The following TAF3 variants were observed in gnomAD, a reference collection of about 807,000 sequenced individuals.
TAF3 encodes TATA-box binding protein associated factor 3.
TAF3 carries 7 observed loss-of-function variants against 80.6 expected under a neutral mutation model. The observed-to-expected ratio is 0.09, with a 90% CI of 0.05 to 0.16. The LOEUF is 0.16. Among genes scored for constraint, TAF3 ranks in the 10% least tolerant of loss-of-function variants. TAF3 has a pLI of 1.00. For synonymous variants in TAF3, 444 were observed against 446.1 expected (o/e 1.00, Z 0.06); for missense variants, 921 against 1,140.2 (o/e 0.81, Z 2.77).
chr10:7,960,752 A>C (rs182047160), intron 2 of TAF3, among the ~76,000 whole-genome samples: 1 of 152,298 alleles, frequency 6.6e-6, no homozygotes, highest in Admixed American at 6.5e-5. Flanking sequence ...TTTTTCCTCC[A>C]ATTTCCCAGA....
At chr10:7,887,903 G>T (rs1232379344) in intron 2 of TAF3, among the ~76,000 whole-genome samples, 3 of 152,020 alleles carry the variant, frequency 2.0e-5, no homozygotes, top group African/African-American at 7.2e-5. Flanking sequence ...AGGGATTCCA[G>T]CTCCAATCCA....
chr10:7,877,635 TGTA>T (rs1464360838), intron 2 of TAF3, among the ~76,000 whole-genome samples: 3 of 152,246 alleles, frequency 2.0e-5, no homozygotes, highest in Non-Finnish European at 4.4e-5. Context: ...ATCATTATCT[TGTA>T]GTAAGAGAAT....
chr10:7,860,102 C>G (rs935302020), intron 2 of TAF3, among the ~76,000 whole-genome samples: 3 of 152,020 alleles, frequency 2.0e-5, no homozygotes, highest in African/African-American at 7.2e-5. Flanking sequence ...CAAACCCTGT[C>G]TCTACTAAAA....
Position 7,964,801 on chromosome 10 carries a change from T to A in TAF3, c.1291T>A (p.Cys431Ser). Residue 431 changes from cysteine to serine, a missense_variant, in exon 3 of 7, where the codon TGT becomes AGT. By Grantham distance (112) the Cys-to-Ser change is moderately radical (BLOSUM62 -1). Around this residue, in one of 6 missense-constraint regions of TAF3, gnomAD observed 743 missense variants for 821.0 expected, o/e 0.90. Coordinates refer to ENST00000344293, the MANE Select transcript of TAF3 (RefSeq NM_031923.4). The surrounding 1 kb of genome is among the most constrained non-coding windows in gnomAD (Gnocchi z 4.1). ...CCCTAAGAGAATTTCAGGCCCGGAG[T>A]GTACTACTCCCAAAGCTTCCACTTC... ...TSPKRISGPE[C>S]TTPKASTSAN... 6.2e-7 allele frequency: 1 copy of A among 1,614,016 alleles called. No individual in the cohort carries two copies. The highest frequency in any genetic ancestry group is 1.1e-5 in the South Asian group (1 of 91,074).
intron 2 of TAF3, among the ~76,000 whole-genome samples, chr10:7,959,138 TCA>T (rs113376582): frequency 0.34 from 50,375 of 149,666 alleles, 8,624 homozygotes; most frequent in African/African-American, 0.43. Flanking sequence ...AGATTCTGTC[TCA>T]CACACACACA....
Position 7,964,007 on chromosome 10 carries a change from A to T in TAF3, c.497A>T (p.Glu166Val). 6.2e-7 allele frequency: 1 copy of T among 1,614,138 alleles called. No individual in the cohort carries two copies. The highest frequency in any genetic ancestry group is 8.5e-7 in the Non-Finnish European group (1 of 1,180,034). ...VPLEEDDELE[E>V]EEIINDENFL... is the part of the protein sequence containing the mutation. ...TTGGAAGAAGATGATGAATTGGAGG[A>T]GGAAGAAATTATTAATGATGAGAAT... Residue 166 changes from glutamate (E) to valine (V), a missense_variant, in exon 3 of 7, where the codon GAG becomes GTG. Transcript: ENST00000344293. This position sits in a 1 kb window ranked among gnomAD's most constrained non-coding sequence, Gnocchi z 4.1.
intron 2 of TAF3, among the ~76,000 whole-genome samples, chr10:7,830,554 G>A (rs1306440034): frequency 7.6e-6 from 1 of 131,166 alleles, no homozygotes; most frequent in African/African-American, 2.9e-5. Context: ...CGCAATCTCG[G>A]CTCACTGCAA....
At chr10:7,819,849 C>A (rs765886577) in intron 1 of TAF3, among the ~76,000 whole-genome samples, 2 of 152,178 alleles carry the variant, frequency 1.3e-5, no homozygotes, top group Non-Finnish European at 2.9e-5. Flanking sequence ...CACAGACACA[C>A]GCTGTATTTC....
rs979406998 is a variant in TAF3, at chr10:8,015,411, G to T, written c.*660G>T. The T allele has an allele frequency of 5.3e-5, 8 of 151,948 alleles. No homozygotes were observed. The highest frequency in any genetic ancestry group is 1.9e-4 in the African/African-American group (8 of 41,346). The allele number at this position is 151,948 out of a possible 1,614,324, so 9.4% of individuals were successfully genotyped here. On this transcript the variant is annotated 3_prime_UTR_variant, in exon 7 of 7. Transcript: ENST00000344293. The stretch of plus-strand genomic sequence containing the variant: ...TTTGTTTAATGTATTTTATATCTTC[G>T]TTGCATTCTAATTTTGCCCTTCTTT...
At chr10:7,838,015 C>T (rs1836869765) in intron 2 of TAF3, among the ~76,000 whole-genome samples, 1 of 152,162 alleles carries the variant, frequency 6.6e-6, no homozygotes, top group South Asian at 2.1e-4. Context: ...TATTCATAAA[C>T]ATTATCTCAT....
intron 2 of TAF3, among the ~76,000 whole-genome samples, chr10:7,855,659 CCAGA>C (rs2131129923): frequency 6.6e-6 from 1 of 152,234 alleles, no homozygotes; most frequent in East Asian, 1.9e-4. Context: ...CTCAAAGCTC[CCAGA>C]CAGCTTTTTT....
chr10:7,850,433 T>C (rs1431065221), intron 2 of TAF3, among the ~76,000 whole-genome samples: 1 of 152,162 alleles, frequency 6.6e-6, no homozygotes, highest in Non-Finnish European at 1.5e-5. Flanking sequence ...CCTAGCACTT[T>C]GGGAGGCTGA....
intron 4 of TAF3, among the ~76,000 whole-genome samples, chr10:7,980,802 A>C (rs1220231949): frequency 6.6e-6 from 1 of 152,146 alleles, no homozygotes; most frequent in Non-Finnish European, 1.5e-5. Context: ...GGCTGGGAGC[A>C]GGGTGAGTGT....
At chr10:7,823,328 G>C (rs1268256079) in intron 1 of TAF3, among the ~76,000 whole-genome samples, 1 of 149,198 alleles carries the variant, frequency 6.7e-6, no homozygotes, top group Non-Finnish European at 1.5e-5. Context: ...CTACTTATTT[G>C]ATGATTAAAA....
chr10:7,934,242 G>C (rs1323012761), intron 2 of TAF3, among the ~76,000 whole-genome samples: 1 of 152,114 alleles, frequency 6.6e-6, no homozygotes, highest in Admixed American at 6.5e-5. Flanking sequence ...CTAAGTAAGT[G>C]TTCAGTTAGT....
At chr10:7,913,225 A>G (rs1002497442) in intron 2 of TAF3, among the ~76,000 whole-genome samples, 4 of 152,116 alleles carry the variant, frequency 2.6e-5, no homozygotes, top group Non-Finnish European at 5.9e-5. Context: ...ACAGGCACAC[A>G]GGGGGCTAGG....
intron 2 of TAF3, among the ~76,000 whole-genome samples, chr10:7,909,608 GT>G (rs1463851458): frequency 6.6e-6 from 1 of 152,172 alleles, no homozygotes; most frequent in African/African-American, 2.4e-5. Flanking sequence ...ATGAATTAAA[GT>G]TTAGAAATAT....
chr10:7,856,641 C>T (rs937112727), intron 2 of TAF3, among the ~76,000 whole-genome samples: 1 of 152,012 alleles, frequency 6.6e-6, no homozygotes. Context: ...AGATTGTTGC[C>T]TTGAATTTAT....
chr10:7,849,425 C>T (rs1226973533), intron 2 of TAF3, among the ~76,000 whole-genome samples: 1 of 152,030 alleles, frequency 6.6e-6, no homozygotes, highest in African/African-American at 2.4e-5. Flanking sequence ...TGGTGTCATC[C>T]TGTAGATCTT....
Sources: allele counts gnomAD v4.1 joint callset (sites outside exome capture counted in the v4.1 genomes callset), GRCh38; gene constraint gnomAD v4.1.1; regional missense constraint gnomAD v4.1.1; non-coding constraint Gnocchi (gnomAD v3.1); transcripts MANE v1.5; gene names NCBI Gene and HGNC (gene_info 2026-07-23, HGNC 2026-07-21).